Variants in ZKSCAN8 observed in about 807,000 individuals in gnomAD.
ZKSCAN8 encodes zinc finger protein with KRAB and SCAN domains 8.
Under a neutral mutation model 57.2 loss-of-function variants are expected in ZKSCAN8, and 27 were observed. The observed-to-expected ratio is 0.47, with a 90% CI of 0.35 to 0.65. ZKSCAN8 has a LOEUF of 0.65. Among genes scored for constraint, ZKSCAN8 ranks in the 30% least tolerant of loss-of-function variants. ZKSCAN8 has a pLI of 0.01. For synonymous variants in ZKSCAN8, 214 were observed against 248.7 expected (o/e 0.86, Z 1.31); for missense variants, 597 against 696.3 (o/e 0.86, Z 1.60).
At position 28,154,410 on chromosome 6, in the gene ZKSCAN8, T is replaced by C. The variant is rs548167521; in HGVS notation, c.*393T>C. On this transcript the variant is annotated 3_prime_UTR_variant, in exon 6 of 6. Coordinates refer to ENST00000330236, the MANE Select transcript of ZKSCAN8 (RefSeq NM_006298.4). Reference sequence around the variant, plus strand: ...TCCTGTGATCCCCCTCTCCCATTTATTCCCTTGAAGGTGCCCTTGTATTCC... The same window carrying C: ...TCCTGTGATCCCCCTCTCCCATTTACTCCCTTGAAGGTGCCCTTGTATTCC... 3 of 169,462 alleles carry C rather than the reference T, an allele frequency of 1.8e-5. No homozygotes were observed. The highest frequency in any genetic ancestry group is 7.2e-5 in the African/African-American group (3 of 41,950). 10.5% of individuals were successfully genotyped at this position (169,462 alleles called of 1,614,324 possible). A position where few individuals can be genotyped will look rare whatever the true frequency, so the allele number is the denominator to read the frequency against.
At position 28,143,232 on chromosome 6, in the gene ZKSCAN8, G is replaced by T. The variant is rs528208030; in HGVS notation, c.-93+1203G>T. Among the ~76,000 whole-genome samples, 19 of 152,248 alleles carry T rather than the reference G, an allele frequency of 1.2e-4. No homozygotes were observed. The East Asian group carries it at 3.7e-3, about 29-fold the overall frequency. On this transcript the variant is annotated intron_variant, in intron 1 of 5. Transcript: ENST00000330236. ...GGAAGGTACATACTGGAGTAATTTT[G>T]CACTCAGTTATTTATAGGTTGTAAT...
At position 28,156,291 on chromosome 6, in the gene ZKSCAN8, G is replaced by C. The variant is rs1037653400; in HGVS notation, c.*2274G>C. 2.5e-5 allele frequency: 10 copies of C among 397,872 alleles called. No individual in the cohort carries two copies. The highest frequency in any genetic ancestry group is 8.8e-5 in the Admixed American group (2 of 22,702). 24.6% of individuals were successfully genotyped at this position (397,872 alleles called of 1,614,324 possible). A position where few individuals can be genotyped will look rare whatever the true frequency, so the allele number is the denominator to read the frequency against. On this transcript the variant is annotated 3_prime_UTR_variant, in exon 6 of 6. Transcript: ENST00000330236. Reference sequence around the variant, plus strand: ...AATTGGGTGCATTCAGGGTGGTATGGCCATAGACCAGAGCAACACATTGAA... The same window carrying C: ...AATTGGGTGCATTCAGGGTGGTATGCCCATAGACCAGAGCAACACATTGAA...
chr6:28,154,277 A>T lies in ZKSCAN8; in HGVS notation c.*260A>T. 2.6e-6 allele frequency: 1 copy of T among 382,226 alleles called. No individual in the cohort carries two copies. The highest frequency in any genetic ancestry group is 4.6e-6 in the Non-Finnish European group (1 of 217,984). The allele number at this position is 382,226 out of a possible 1,614,324, so 23.7% of individuals were successfully genotyped here. A position where few individuals can be genotyped will look rare whatever the true frequency, so the allele number is the denominator to read the frequency against. On this transcript the variant is annotated 3_prime_UTR_variant, in exon 6 of 6. Coordinates refer to ENST00000330236, the MANE Select transcript of ZKSCAN8 (RefSeq NM_006298.4). ...TCCTTTAGAAATTTAAAATAGCATTAGAGCAAGTTGCTTGTCATGGCTTGA... is the reference window on the plus strand; with the variant it reads ...TCCTTTAGAAATTTAAAATAGCATTTGAGCAAGTTGCTTGTCATGGCTTGA...
rs1245843838 is a variant in ZKSCAN8, at chr6:28,158,816, G to GT, written c.*4800dup. On this transcript the variant is annotated 3_prime_UTR_variant, in exon 6 of 6. Transcript: ENST00000330236. ...CCGTATTGTAAAATTTTCATTTTCA[G>GT]TAACACCCAGTAGATAATTTTTCAA... 1 of 151,838 alleles carries GT rather than the reference G, an allele frequency of 6.6e-6. No homozygotes were observed. Among genetic ancestry groups the GT allele is most frequent in the East Asian group, 1.9e-4 (1 of 5,190 alleles). 9.4% of individuals were successfully genotyped at this position (151,838 alleles called of 1,614,324 possible).
At chr6:28,150,008 A>G (rs1039325082) in intron 3 of ZKSCAN8, among the ~76,000 whole-genome samples, 1 of 141,698 alleles carries the variant, frequency 7.1e-6, no homozygotes, top group African/African-American at 2.7e-5. Flanking sequence ...GAAATATTTC[A>G]GTATGTATTT....
At chr6:28,151,803 A>G in intron 3 of ZKSCAN8, 42 bp from the exon 4 acceptor site, 2 of 1,525,896 alleles carry the variant, frequency 1.3e-6, no homozygotes, top group Middle Eastern at 3.4e-4. Context: ...CCACAACCAC[A>G]GGACAGGACT....
chr6:28,153,472 A>G lies in ZKSCAN8; in HGVS notation c.1192A>G (p.Arg398Gly), dbSNP rs781229764. The change falls in exon 6 of 6, where the codon AGA becomes GGA. Residue 398 changes from arginine (R) to glycine (G), a missense_variant. Transcript: ENST00000330236. ...GAACACAGGCCTGATTCTGCACCAG[A>G]GAATCCACACTGGGGAGAAGCCATA... ...SQNTGLILHQ[R>G]IHTGEKPYQC... is the part of the protein sequence containing the mutation. 2 of 1,612,430 alleles carry G rather than the reference A, an allele frequency of 1.2e-6. No individual in the cohort carries two copies. Among genetic ancestry groups the G allele is most frequent in the East Asian group, 4.5e-5 (2 of 44,878 alleles).
At chr6:28,152,794 C>T (rs1176691613) in intron 5 of ZKSCAN8, among the ~76,000 whole-genome samples, 5 of 152,192 alleles carry the variant, frequency 3.3e-5, no homozygotes, top group Non-Finnish European at 7.3e-5. Context: ...CCCCAACTTT[C>T]ACCTCACTTC....
At chr6:28,152,051 C>A in intron 4 of ZKSCAN8, 115 bp downstream of exon 4, 2 of 1,402,184 alleles carry the variant, frequency 1.4e-6, no homozygotes, top group Non-Finnish European at 1.9e-6. Flanking sequence ...AAAGTTGTCC[C>A]AAAAATTCTT....
At position 28,148,714 on chromosome 6, in the gene ZKSCAN8, CT is replaced by C; in HGVS notation, c.308del (p.Leu103HisfsTer14). On this transcript the variant is annotated frameshift_variant, in exon 2 of 6. Transcript: ENST00000330236. LOFTEE classifies it high-confidence loss of function. The part of the protein sequence containing the change: ...LLVLEQFLTI[L>X]PEELQTLVKE... ...GGTGCTGGAGCAGTTCTTGACCATC[CT>C]ACCTGAGGAGCTCCAGACACTGGTT... 1 of 1,614,158 alleles carries C rather than the reference CT, an allele frequency of 6.2e-7. No individual in the cohort carries two copies. The highest frequency in any genetic ancestry group is 8.5e-7 in the Non-Finnish European group (1 of 1,180,022).
chr6:28,144,019 G>T lies in ZKSCAN8; in HGVS notation c.-93+1990G>T, dbSNP rs1204607536. ...GCAAATTCCTCCACTTTCCTGTAAA[G>T]TCATAATCAATGAACTATACCCCCA... On this transcript the variant is annotated intron_variant, in intron 1 of 5. Transcript: ENST00000330236. The surrounding 1 kb of genome is among the most constrained non-coding windows in gnomAD (Gnocchi z 4.5). Among the ~76,000 whole-genome samples, 1 of 152,080 alleles carries T rather than the reference G, an allele frequency of 6.6e-6. No homozygotes were observed. Among genetic ancestry groups the T allele is most frequent in the African/African-American group, 2.4e-5 (1 of 41,394 alleles).
rs777870600 is a variant in ZKSCAN8, at chr6:28,148,681, G to A, written c.274G>A (p.Glu92Lys). The change falls in exon 2 of 6, where the codon GAG (glutamate) becomes AAG (lysine). Residue 92 changes from glutamate to lysine, a missense_variant. Coordinates refer to ENST00000330236, the MANE Select transcript of ZKSCAN8 (RefSeq NM_006298.4). Reference sequence around the variant, plus strand: ...TTTGAACACCAAGGAACAGATCCTGGAGCTGCTGGTGCTGGAGCAGTTCTT... The same window carrying A: ...TTTGAACACCAAGGAACAGATCCTGAAGCTGCTGGTGCTGGAGCAGTTCTT... ...PDLNTKEQIL[E>K]LLVLEQFLTI... 31 of 1,614,068 alleles carry A rather than the reference G, an allele frequency of 1.9e-5. No individual in the cohort carries two copies. The highest frequency in any genetic ancestry group is 2.6e-5 in the Non-Finnish European group (31 of 1,180,054).
At position 28,153,708 on chromosome 6, in the gene ZKSCAN8, T is replaced by A; in HGVS notation, c.1428T>A (p.His476Gln). 1 of 1,610,182 alleles carries A rather than the reference T, an allele frequency of 6.2e-7. No homozygotes were observed. Among genetic ancestry groups the A allele is most frequent in the Non-Finnish European group, 8.5e-7 (1 of 1,178,868 alleles). The change falls in exon 6 of 6, where the codon CAT becomes CAA. Residue 476 changes from histidine to glutamine, a missense_variant. Transcript: ENST00000330236. ...GGAAAACCTTCAGGCGGAGCTCACA[T>A]CTTATTGGTCATCAGAGGAGCCACA... ...ECGKTFRRSS[H>Q]LIGHQRSHTG...
At chr6:28,146,478 CT>C (rs1765399384) in intron 1 of ZKSCAN8, among the ~76,000 whole-genome samples, 1 of 152,132 alleles carries the variant, frequency 6.6e-6, no homozygotes, top group Admixed American at 6.5e-5. Context: ...TCAAAGAAGA[CT>C]TCAACGGAGA....
chr6:28,145,311 A>T (rs1440837134), intron 1 of ZKSCAN8, among the ~76,000 whole-genome samples: 2 of 152,166 alleles, frequency 1.3e-5, no homozygotes, highest in Non-Finnish European at 2.9e-5. Flanking sequence ...CCACTGAGCT[A>T]GAGTAAAGAA....
rs1290724196 is a variant in ZKSCAN8, at chr6:28,156,363, A to T, written c.*2346A>T. On this transcript the variant is annotated 3_prime_UTR_variant, in exon 6 of 6. Coordinates refer to ENST00000330236, the MANE Select transcript of ZKSCAN8 (RefSeq NM_006298.4). ...AAAGTCTCTTTATGTGTCAGTATTA[A>T]GAGTAATATGTAGCCAGATTACTTA... The T allele has an allele frequency of 7.6e-6, 3 of 396,122 alleles. No individual in the cohort carries two copies. The highest frequency in any genetic ancestry group is 2.1e-5 in the African/African-American group (1 of 48,588). The allele number at this position is 396,122 out of a possible 1,614,324, so 24.5% of individuals were successfully genotyped here.
In ZKSCAN8 at chr6:28,158,262, T is replaced by C. The variant is rs1014126090; in HGVS notation, c.*4245T>C. On this transcript the variant is annotated 3_prime_UTR_variant, in exon 6 of 6. Transcript: ENST00000330236. The stretch of plus-strand genomic sequence containing the variant: ...CCACCCACTCCCCTTTCTCCTCTTC[T>C]CCACTGAGAATAATCTCCCTGTCTT... 6.6e-6 allele frequency: 1 copy of C among 152,146 alleles called. No homozygotes were observed. Among genetic ancestry groups the C allele is most frequent in the African/African-American group, 2.4e-5 (1 of 41,428 alleles). The allele number at this position is 152,146 out of a possible 1,614,324, so 9.4% of individuals were successfully genotyped here. A position where few individuals can be genotyped will look rare whatever the true frequency, so the allele number is the denominator to read the frequency against.
At position 28,148,455 on chromosome 6, in the gene ZKSCAN8, G is replaced by T. The variant is rs762083747; in HGVS notation, c.48G>T (p.Gln16His). ...CTTCAGCCCCATCCCCACCAGACCA[G>T]ACTCCTGAAGAGGATCTTGTAATCG... is the stretch of plus-strand genomic sequence containing the variant. ...RKPSAPSPPDQTPEEDLVIVK... is the reference protein window; with the variant it reads ...RKPSAPSPPDHTPEEDLVIVK... The change falls in exon 2 of 6, where the codon CAG becomes CAT. Residue 16 changes from glutamine (Q) to histidine (H), a missense_variant. Coordinates refer to ENST00000330236, the MANE Select transcript of ZKSCAN8 (RefSeq NM_006298.4). 1.2e-6 allele frequency: 2 copies of T among 1,614,150 alleles called. No individual in the cohort carries two copies. The highest frequency in any genetic ancestry group is 1.7e-6 in the Non-Finnish European group (2 of 1,180,024).
rs1299528568 is a variant in ZKSCAN8, at chr6:28,159,277, G to C, written c.*5260G>C. On this transcript the variant is annotated 3_prime_UTR_variant, in exon 6 of 6. Coordinates refer to ENST00000330236, the MANE Select transcript of ZKSCAN8 (RefSeq NM_006298.4). ...CTGTGGTCCATGTACTTACTAATAT[G>C]TTGCTTTGTAATTATTTTCTAGCAC... is the stretch of plus-strand genomic sequence containing the variant. 1 of 152,112 alleles carries C rather than the reference G, an allele frequency of 6.6e-6. No homozygotes were observed. Among genetic ancestry groups the C allele is most frequent in the Non-Finnish European group, 1.5e-5 (1 of 68,026 alleles). The allele number at this position is 152,112 out of a possible 1,614,324, so 9.4% of individuals were successfully genotyped here. A position where few individuals can be genotyped will look rare whatever the true frequency, so the allele number is the denominator to read the frequency against.
Sources: allele counts gnomAD v4.1 joint callset (sites outside exome capture counted in the v4.1 genomes callset), GRCh38; gene constraint gnomAD v4.1.1; non-coding constraint Gnocchi (gnomAD v3.1); transcripts MANE v1.5; gene names NCBI Gene and HGNC (gene_info 2026-07-23, HGNC 2026-07-21).